MAVS: variants seen among roughly 807,000 people sequenced by gnomAD.
The protein encoded by MAVS is mitochondrial antiviral signaling protein, also known as mitochondrial antiviral-signaling protein.
In MAVS, 20 loss-of-function variants were observed where a neutral mutation model predicts 30.2. The observed-to-expected ratio is 0.66, with a 90% CI of 0.47 to 0.96. The LOEUF (loss-of-function observed/expected upper bound fraction) is 0.96, where lower values mean the gene tolerates loss of function less well. Among genes scored for constraint, MAVS ranks in the 40% least tolerant of loss-of-function variants. The pLI is 0.00. For missense variants in MAVS, 624 were observed against 701.1 expected (o/e 0.89, Z 1.24); for synonymous variants, 278 against 293.9 (o/e 0.95, Z 0.55).
chr20:3,866,120 G>A lies in MAVS; in HGVS notation c.1596G>A (p.Val532=). The part of the protein sequence containing the change: ...VTGVLVVTLL[V]VLYRRRLH ...GGGTGCTGGTAGTCACACTCCTGGT[G>A]GTGCTGTACCGGCGGCGTCTGCACT... Residue 532 remains valine, a synonymous_variant, in exon 7 of 7, where the codon GTG becomes GTA. Transcript: ENST00000428216. The A allele has an allele frequency of 6.2e-7, 1 of 1,600,812 alleles. No individual in the cohort carries two copies. The highest frequency in any genetic ancestry group is 8.5e-7 in the Non-Finnish European group (1 of 1,174,728).
intron 6 of MAVS, 44 bp downstream of exon 6, chr20:3,864,832 C>T (rs376750806): frequency 9.9e-5 from 157 of 1,590,556 alleles, no homozygotes; most frequent in Admixed American, 1.7e-4. Context: ...CCCCTTCCCC[C>T]GGGACAGCTT....
chr20:3,856,455 AAT>A (rs779281433), intron 2 of MAVS, among the ~76,000 whole-genome samples: 1 of 146,498 alleles, frequency 6.8e-6, no homozygotes, highest in Non-Finnish European at 1.5e-5. Context: ...GGGTTCAAGC[AAT>A]TCTCCTGCTT....
chr20:3,847,134 G>T (rs1202307229), intron 1 of MAVS, among the ~76,000 whole-genome samples: 1 of 152,218 alleles, frequency 6.6e-6, no homozygotes, highest in East Asian at 1.9e-4. Flanking sequence ...GGGGAAAAGG[G>T]GGTAGGTGGC....
chr20:3,847,205 T>G (rs1334183495), intron 1 of MAVS, among the ~76,000 whole-genome samples: 3 of 152,126 alleles, frequency 2.0e-5, no homozygotes, highest in Non-Finnish European at 2.9e-5. Context: ...CAGCGGCCGC[T>G]GACCTCCTCC....
At position 3,866,783 on chromosome 20, in the gene MAVS, C is replaced by A; in HGVS notation, c.*636C>A. 1 of 412,092 alleles carries A rather than the reference C, an allele frequency of 2.4e-6. No homozygotes were observed. Among genetic ancestry groups the A allele is most frequent in the Non-Finnish European group, 4.9e-6 (1 of 204,938 alleles). The allele number at this position is 412,092 out of a possible 1,614,324, so 25.5% of individuals were successfully genotyped here. The stretch of plus-strand genomic sequence containing the variant: ...AGGGAAGCCAGGGGCAGCTGTCAGG[C>A]CTGAGGAAGACCTGTGGAGCTCCTC... On this transcript the variant is annotated 3_prime_UTR_variant, in exon 7 of 7. Coordinates refer to ENST00000428216, the MANE Select transcript of MAVS (RefSeq NM_020746.5).
chr20:3,854,009 G>T (rs1044604568), intron 1 of MAVS, among the ~76,000 whole-genome samples: 7 of 142,380 alleles, frequency 4.9e-5, no homozygotes, highest in African/African-American at 1.9e-4. Flanking sequence ...ATGTTGGTCA[G>T]TCTGGTCTCC....
intron 1 of MAVS, among the ~76,000 whole-genome samples, chr20:3,850,257 A>C (rs1020492917): frequency 8.1e-6 from 1 of 123,192 alleles, no homozygotes; most frequent in Non-Finnish European, 1.6e-5. Flanking sequence ...AGCCTGGGTG[A>C]AGGAGCGAGA....
intron 1 of MAVS, among the ~76,000 whole-genome samples, chr20:3,852,742 C>CT (rs1165627555): frequency 6.6e-6 from 1 of 151,758 alleles, no homozygotes; most frequent in East Asian, 1.9e-4. Context: ...GTTGCCCAGG[C>CT]TGGCCTCGAA....
At chr20:3,847,368 TCG>T (rs1361136471) in intron 1 of MAVS, among the ~76,000 whole-genome samples, 1 of 152,054 alleles carries the variant, frequency 6.6e-6, no homozygotes, top group Non-Finnish European at 1.5e-5. Context: ...CGGACCTGGG[TCG>T]CGCCCAGGAA....
rs2089865855 is a variant in MAVS at position 3,861,381 on chromosome 20, T to C, written c.342T>C (p.Ala114=). Residue 114 remains alanine, a synonymous_variant, in exon 4 of 7, where the codon GCT becomes GCC. Transcript: ENST00000428216. The stretch of plus-strand genomic sequence containing the variant: ...CACTGGAGCCACCGTCACTTCCTGC[T>C]GAGAGGCCAGGGCCCCCCACACCTG... ...PDPLEPPSLP[A]ERPGPPTPAA... is the part of the protein sequence containing the mutation. 1 of 1,613,950 alleles carries C rather than the reference T, an allele frequency of 6.2e-7. No individual in the cohort carries two copies. The highest frequency in any genetic ancestry group is 2.2e-5 in the East Asian group (1 of 44,892).
At chr20:3,853,289 A>G (rs988532351) in intron 1 of MAVS, among the ~76,000 whole-genome samples, 17 of 150,652 alleles carry the variant, frequency 1.1e-4, no homozygotes, top group South Asian at 2.1e-4. Flanking sequence ...AATCGAGACC[A>G]TCCTGGCTAA....
At chr20:3,855,018 G>T (rs2089798212) in intron 2 of MAVS, among the ~76,000 whole-genome samples, 1 of 151,510 alleles carries the variant, frequency 6.6e-6, no homozygotes, top group African/African-American at 2.4e-5. Flanking sequence ...AGCCTCCTGA[G>T]TAGCTGGGAT....
At chr20:3,860,541 A>G (rs186327844) in intron 3 of MAVS, among the ~76,000 whole-genome samples, 25 of 150,848 alleles carry the variant, frequency 1.7e-4, no homozygotes, top group Admixed American at 1.7e-3. Flanking sequence ...CGCCTGGCTA[A>G]TTTTGTTATT....
At chr20:3,848,366 T>C (rs1401152756) in intron 1 of MAVS, among the ~76,000 whole-genome samples, 1 of 152,192 alleles carries the variant, frequency 6.6e-6, no homozygotes, top group Non-Finnish European at 1.5e-5. Context: ...CCCAAAGTGC[T>C]GGGATTCCAG....
Position 3,874,417 on chromosome 20 carries a change from G to T in MAVS, c.*8270G>T. 2.5e-6 allele frequency: 1 copy of T among 393,204 alleles called. No individual in the cohort carries two copies. The highest frequency in any genetic ancestry group is 4.5e-6 in the Non-Finnish European group (1 of 222,994). The allele number at this position is 393,204 out of a possible 1,614,324, so 24.4% of individuals were successfully genotyped here. A position where few individuals can be genotyped will look rare whatever the true frequency, so the allele number is the denominator to read the frequency against. ...CTAAACAAGAGCAGAGAGGCCATTT[G>T]GTCAAAGTTTGCAAAGGAGTCAGCC... On this transcript the variant is annotated 3_prime_UTR_variant, in exon 7 of 7. Coordinates refer to ENST00000428216, the MANE Select transcript of MAVS (RefSeq NM_020746.5).
chr20:3,857,876 T>G (rs2089826273), intron 3 of MAVS, 67 bp downstream of exon 3: 1 of 1,527,234 alleles, frequency 6.5e-7, no homozygotes, highest in East Asian at 2.3e-5. Flanking sequence ...TCCTTTTCTC[T>G]CTCCCTGTAC....
chr20:3,863,514 C>T (rs534013117), intron 5 of MAVS, among the ~76,000 whole-genome samples: 23 of 152,218 alleles, frequency 1.5e-4, no homozygotes, highest in African/African-American at 4.3e-4. Flanking sequence ...AGGCAGAGGG[C>T]GCTTAGGTTT....
At position 3,874,374 on chromosome 20, in the gene MAVS, T is replaced by C; in HGVS notation, c.*8227T>C. On this transcript the variant is annotated 3_prime_UTR_variant, in exon 7 of 7. Coordinates refer to ENST00000428216, the MANE Select transcript of MAVS (RefSeq NM_020746.5). ...TTGTTTCCAGACTCCCTGTTGGAGA[T>C]GTGGAAATAAAAACCACCTAAACAA... 2.5e-6 allele frequency: 1 copy of C among 397,334 alleles called. No individual in the cohort carries two copies. Among genetic ancestry groups the C allele is most frequent in the African/African-American group, 2.1e-5 (1 of 48,700 alleles). 24.6% of individuals were successfully genotyped at this position (397,334 alleles called of 1,614,324 possible). A position where few individuals can be genotyped will look rare whatever the true frequency, so the allele number is the denominator to read the frequency against.
At chr20:3,861,275 G>A in intron 3 of MAVS, 57 bp from the exon 4 acceptor site, 13 of 1,526,264 alleles carry the variant, frequency 8.5e-6, no homozygotes, top group Non-Finnish European at 1.2e-5. Flanking sequence ...TTACAGGCAT[G>A]AGCCACTGTG....
Sources: gnomAD v4.1 joint callset for allele counts (sites outside exome capture counted in the v4.1 genomes callset) on GRCh38, gnomAD v4.1.1 for gene constraint, MANE v1.5 for transcripts, NCBI Gene and HGNC (gene_info 2026-07-23, HGNC 2026-07-21) for gene names.